CTNNA2: variants seen among roughly 807,000 people sequenced by gnomAD.
CTNNA2 encodes catenin alpha-2.
A neutral mutation model predicts 101.0 loss-of-function variants in CTNNA2; 42 were observed. That is an observed-to-expected ratio of 0.42 (90% CI 0.32 to 0.54). CTNNA2 has a LOEUF of 0.54. Ranked by LOEUF, CTNNA2 falls within the 20% of genes least tolerant of loss-of-function variation. The pLI is 0.14. For synonymous variants in CTNNA2, 450 were observed against 456.4 expected, an observed-to-expected ratio of 0.99 and a Z score of 0.18; for missense variants, 871 against 1,223.1, an observed-to-expected ratio of 0.71 and a Z score of 4.29.
At chr2:79,224,164 T>C (rs1375054763) in intron 2 of CTNNA2, among the ~76,000 whole-genome samples, 2 of 152,206 alleles carry the variant, frequency 1.3e-5, no homozygotes, top group Non-Finnish European at 2.9e-5. Context: ...TATGTATTTG[T>C]GTGTGTATAT....
At chr2:79,756,398 T>G (rs1357295327) in intron 3 of CTNNA2, among the ~76,000 whole-genome samples, 1 of 152,172 alleles carries the variant, frequency 6.6e-6, no homozygotes, top group African/African-American at 2.4e-5. Context: ...GGCACTATTT[T>G]GGGTGCTGAG....
At chr2:79,676,248 G>A (rs1683177478) in intron 2 of CTNNA2, among the ~76,000 whole-genome samples, 2 of 152,236 alleles carry the variant, frequency 1.3e-5, no homozygotes, top group South Asian at 4.1e-4. Flanking sequence ...ATCAAGAACT[G>A]TAAGTAATCC....
chr2:80,610,249 CT>C lies in CTNNA2; in HGVS notation c.2430+1936del, dbSNP rs558840273. On this transcript the variant is annotated intron_variant, in intron 17 of 18. Transcript: ENST00000402739. ...CTGTCTTTGCCAATTCTGCCTCCATCTTTTTCTTCATGCTCCTTCACTGATG... is the reference window on the plus strand; with the variant it reads ...CTGTCTTTGCCAATTCTGCCTCCATCTTTTCTTCATGCTCCTTCACTGATG... Among the ~76,000 whole-genome samples the C allele has an allele frequency of 1.3e-3, 191 of 151,748 alleles. 1 individual carries two copies. Among genetic ancestry groups the C allele is most frequent in the African/African-American group, 4.5e-3 (187 of 41,456 alleles).
At chr2:79,720,124 T>A (rs910416404) in intron 2 of CTNNA2, among the ~76,000 whole-genome samples, 2 of 152,200 alleles carry the variant, frequency 1.3e-5, no homozygotes, top group African/African-American at 4.8e-5. Flanking sequence ...TAGCCAGTTA[T>A]CCCAGCACCA....
At chr2:79,320,301 A>G (rs1676589991) in intron 3 of CTNNA2, among the ~76,000 whole-genome samples, 1 of 149,910 alleles carries the variant, frequency 6.7e-6, no homozygotes, top group Non-Finnish European at 1.5e-5. Context: ...ATCTTGAAGA[A>G]AATGGCAGTT....
At chr2:79,390,890 T>C (rs1678164528) in intron 4 of CTNNA2, among the ~76,000 whole-genome samples, 1 of 152,090 alleles carries the variant, frequency 6.6e-6, no homozygotes, top group African/African-American at 2.4e-5. Flanking sequence ...GCTCAACGAA[T>C]AAATGAAAGA....
intron 18 of CTNNA2, among the ~76,000 whole-genome samples, chr2:80,636,094 C>T (rs1672850399): frequency 6.7e-6 from 1 of 150,356 alleles, no homozygotes; most frequent in South Asian, 2.1e-4. Flanking sequence ...TTTCATATAA[C>T]CTGCCATTTG....
chr2:79,516,464 A>T (rs149675213), intron 1 of CTNNA2, among the ~76,000 whole-genome samples: 9 of 152,298 alleles, frequency 5.9e-5, no homozygotes, highest in African/African-American at 2.2e-4. Flanking sequence ...GGCTGGAACA[A>T]AAGCAGAGAG....
intron 2 of CTNNA2, among the ~76,000 whole-genome samples, chr2:79,656,034 A>G (rs887707300): frequency 9.9e-5 from 15 of 152,154 alleles, no homozygotes; most frequent in Admixed American, 2.6e-4. Context: ...AAGTAGTCTT[A>G]ACATCCTTCC....
At chr2:80,141,252 A>C (rs1469825010) in intron 7 of CTNNA2, among the ~76,000 whole-genome samples, 1 of 151,958 alleles carries the variant, frequency 6.6e-6, no homozygotes, top group East Asian at 1.9e-4. Flanking sequence ...AAGCCCTCAA[A>C]TAAATATTAG....
intron 7 of CTNNA2, among the ~76,000 whole-genome samples, chr2:80,362,208 A>G (rs1237334892): frequency 2.6e-5 from 4 of 152,126 alleles, no homozygotes; most frequent in African/African-American, 7.2e-5. Context: ...TAACATTTCA[A>G]AGAGATAGTT....
At chr2:79,805,937 C>CAA (rs112752954) in intron 3 of CTNNA2, among the ~76,000 whole-genome samples, 2 of 126,134 alleles carry the variant, frequency 1.6e-5, no homozygotes. Flanking sequence ...GACTGTGTCT[C>CAA]AAAAAAAAAA....
At chr2:79,997,791 G>T (rs73940903) in intron 7 of CTNNA2, among the ~76,000 whole-genome samples, 2 of 152,046 alleles carry the variant, frequency 1.3e-5, no homozygotes, top group African/African-American at 2.4e-5. Context: ...CTTCTAAACC[G>T]CGTTGCACCT....
At chr2:80,420,626 CCT>C (rs1680444082) in intron 9 of CTNNA2, among the ~76,000 whole-genome samples, 1 of 151,840 alleles carries the variant, frequency 6.6e-6, no homozygotes. Context: ...AATGTGAAAT[CCT>C]CTCTGCTTTT....
chr2:79,968,121 T>A lies in CTNNA2; in HGVS notation c.1056+58324T>A, dbSNP rs186281134. 2.1e-3 allele frequency among the ~76,000 whole-genome samples: 319 copies of A among 152,204 alleles called. 2 individuals are homozygous for A. The highest frequency in any genetic ancestry group is 7.3e-3 in the African/African-American group (305 of 41,518). The stretch of plus-strand genomic sequence containing the variant: ...GTGATGGCAATGTTTTCACACTAGA[T>A]AGAAGTGGTGGTTGCACAAAATTGT... On this transcript the variant is annotated intron_variant, in intron 7 of 18. Coordinates refer to ENST00000402739, the MANE Select transcript of CTNNA2 (RefSeq NM_001282597.3).
At chr2:80,250,155 C>A (rs1055787205) in intron 7 of CTNNA2, among the ~76,000 whole-genome samples, 1 of 151,364 alleles carries the variant, frequency 6.6e-6, no homozygotes, top group East Asian at 2.0e-4. Flanking sequence ...TACACACACA[C>A]ATTTGTAGAT....
chr2:79,878,066 G>A (rs1356836009), intron 6 of CTNNA2, among the ~76,000 whole-genome samples: 2 of 152,174 alleles, frequency 1.3e-5, no homozygotes, highest in African/African-American at 4.8e-5. Flanking sequence ...AACATGTGGT[G>A]TTTGGTGTTC....
intron 7 of CTNNA2, among the ~76,000 whole-genome samples, chr2:80,210,323 C>T (rs1236256514): frequency 6.6e-6 from 1 of 152,100 alleles, no homozygotes; most frequent in Non-Finnish European, 1.5e-5. Context: ...ATTAACTCGT[C>T]ATTTATATTA....
chr2:80,161,281 G>T (rs1271950126), intron 7 of CTNNA2, among the ~76,000 whole-genome samples: 1 of 152,096 alleles, frequency 6.6e-6, no homozygotes, highest in Non-Finnish European at 1.5e-5. Flanking sequence ...CTCCCAAAGT[G>T]CTGGGATTAC....
Sources: allele counts gnomAD v4.1 joint callset (sites outside exome capture counted in the v4.1 genomes callset), GRCh38; gene constraint gnomAD v4.1.1; transcripts MANE v1.5; gene names NCBI Gene and HGNC (gene_info 2026-07-23, HGNC 2026-07-21).